KCNB2: variants seen among roughly 807,000 people sequenced by gnomAD.
KCNB2 encodes delayed rectifier potassium channel protein.
In KCNB2, 15 loss-of-function variants were observed where a neutral mutation model predicts 61.5. That is an observed-to-expected ratio of 0.24 (90% CI 0.16 to 0.38). The LOEUF (loss-of-function observed/expected upper bound fraction) is 0.38, where lower values mean the gene tolerates loss of function less well. Ranked by LOEUF, KCNB2 falls within the 10% of genes least tolerant of loss-of-function variation. The pLI is 1.00. For missense variants in KCNB2, 828 were observed against 1,125.2 expected (o/e 0.74, Z 3.78); for synonymous variants, 457 against 446.0 (o/e 1.02, Z -0.31).
At chr8:72,644,491 T>C (rs1273871046) in intron 2 of KCNB2, among the ~76,000 whole-genome samples, 1 of 152,132 alleles carries the variant, frequency 6.6e-6, no homozygotes, top group Non-Finnish European at 1.5e-5. Context: ...CCCCCAAGTA[T>C]CGCCACCATT....
chr8:72,805,142 C>T (rs1028471990), intron 2 of KCNB2, among the ~76,000 whole-genome samples: 2 of 152,106 alleles, frequency 1.3e-5, no homozygotes, highest in African/African-American at 4.8e-5. Context: ...TTCATACACA[C>T]GAAGTGCTCA....
At chr8:72,891,012 A>G (rs557294798) in intron 2 of KCNB2, among the ~76,000 whole-genome samples, 96 of 152,318 alleles carry the variant, frequency 6.3e-4, no homozygotes, top group African/African-American at 2.2e-3. Context: ...TAGAACCAGT[A>G]AAGTTACATA....
intron 2 of KCNB2, among the ~76,000 whole-genome samples, chr8:72,899,502 C>A (rs1276695607): frequency 1.3e-5 from 2 of 152,126 alleles, no homozygotes; most frequent in African/African-American, 2.4e-5. Context: ...CAAAAGCTCC[C>A]AAAACTGATA....
intron 2 of KCNB2, among the ~76,000 whole-genome samples, chr8:72,851,642 G>C (rs903166542): frequency 2.0e-5 from 3 of 151,890 alleles, no homozygotes; most frequent in Admixed American, 6.6e-5. Context: ...CATTTAGTCA[G>C]GTTCCACTGC....
chr8:72,706,417 A>G (rs563820527), intron 2 of KCNB2, among the ~76,000 whole-genome samples: 1 of 152,356 alleles, frequency 6.6e-6, no homozygotes, highest in South Asian at 2.1e-4. Context: ...ATATAAGTGT[A>G]GTCCACAGTG....
At chr8:72,577,327 GAGAT>G (rs1464062985) in intron 2 of KCNB2, among the ~76,000 whole-genome samples, 1 of 151,756 alleles carries the variant, frequency 6.6e-6, no homozygotes, top group African/African-American at 2.4e-5. Context: ...GTGTGAGAAA[GAGAT>G]AGAGAGAGAG....
chr8:72,648,086 C>T (rs1041399218), intron 2 of KCNB2, among the ~76,000 whole-genome samples: 1 of 152,152 alleles, frequency 6.6e-6, no homozygotes, highest in African/African-American at 2.4e-5. Context: ...GGGGCTGGAT[C>T]ATCCCAGGAT....
intron 2 of KCNB2, among the ~76,000 whole-genome samples, chr8:72,827,102 A>C (rs1809607647): frequency 6.6e-6 from 1 of 152,168 alleles, no homozygotes; most frequent in Non-Finnish European, 1.5e-5. Flanking sequence ...ATTTATGTTT[A>C]GTTTTAGAAT....
intron 1 of KCNB2, among the ~76,000 whole-genome samples, chr8:72,555,650 T>C (rs1806415252): frequency 6.6e-6 from 1 of 151,992 alleles, no homozygotes; most frequent in Non-Finnish European, 1.5e-5. Context: ...AGAATTTTTT[T>C]TTTGGCATTT....
chr8:72,795,519 T>G (rs1327517824), intron 2 of KCNB2, among the ~76,000 whole-genome samples: 1 of 152,226 alleles, frequency 6.6e-6, no homozygotes, highest in Admixed American at 6.5e-5. Context: ...ATACAATGCA[T>G]GAGCAAATCC....
At chr8:72,904,578 G>A (rs1427734757) in intron 2 of KCNB2, among the ~76,000 whole-genome samples, 1 of 152,056 alleles carries the variant, frequency 6.6e-6, no homozygotes, top group Non-Finnish European at 1.5e-5. Flanking sequence ...AATTAGACAA[G>A]AGAAAGAAAG....
At chr8:72,881,754 C>A (rs1805710151) in intron 2 of KCNB2, 1 of 152,166 alleles carries the variant, frequency 6.6e-6, no homozygotes, top group Non-Finnish European at 1.5e-5. Flanking sequence ...TGTACAGGCA[C>A]AATCTGTGAA....
chr8:72,907,635 A>C (rs987228081), intron 2 of KCNB2, among the ~76,000 whole-genome samples: 5 of 152,092 alleles, frequency 3.3e-5, no homozygotes, highest in Admixed American at 2.0e-4. Flanking sequence ...CTAACACAAA[A>C]ATGTTTGCAA....
At chr8:72,872,185 G>C (rs1441448446) in intron 2 of KCNB2, among the ~76,000 whole-genome samples, 1 of 152,194 alleles carries the variant, frequency 6.6e-6, no homozygotes, top group Non-Finnish European at 1.5e-5. Flanking sequence ...TGGAGAATAA[G>C]CATGTGGTGC....
intron 2 of KCNB2, among the ~76,000 whole-genome samples, chr8:72,593,328 T>C (rs1807130703): frequency 6.6e-6 from 1 of 152,176 alleles, no homozygotes. Context: ...GTCCTTAAGG[T>C]ACACTGAATT....
In KCNB2 at chr8:72,931,044, T is replaced by C. The variant is rs185535382; in HGVS notation, c.580-4891T>C. Among the ~76,000 whole-genome samples the C allele has an allele frequency of 1.2e-4, 18 of 152,372 alleles. No individual in the cohort carries two copies. The East Asian group carries it at 3.5e-3, about 29-fold the overall frequency. On this transcript the variant is annotated intron_variant, in intron 2 of 2. Transcript: ENST00000523207. ...TAGCCAGTTTTCCCAGCACCATTTG[T>C]TAAATAGGGAATCCTTTCCGCATTT...
chr8:72,568,115 G>T lies in KCNB2; in HGVS notation c.381G>T (p.Gly127=), dbSNP rs1204626956. Residue 127 remains glycine (G), a synonymous_variant, in exon 2 of 3, where the codon GGG becomes GGT. Coordinates refer to ENST00000523207, the MANE Select transcript of KCNB2 (RefSeq NM_004770.3). ...LSFGQELDYW[G]IDEIYLESCC... is the part of the protein sequence containing the mutation. ...TTGGCCAAGAACTTGATTACTGGGG[G>T]ATTGATGAGATCTACTTGGAGTCCT... The T allele has an allele frequency of 6.2e-7, 1 of 1,614,148 alleles. No homozygotes were observed. Among genetic ancestry groups the T allele is most frequent in the South Asian group, 1.1e-5 (1 of 91,076 alleles).
At chr8:72,587,813 T>G (rs551787032) in intron 2 of KCNB2, among the ~76,000 whole-genome samples, 84 of 152,300 alleles carry the variant, frequency 5.5e-4, no homozygotes, top group Non-Finnish European at 1.1e-3. Context: ...TTTTTATTTG[T>G]TAAAGTTGTT....
rs891003074 is a variant in KCNB2, at chr8:72,919,404, G to A, written c.580-16531G>A. Among the ~76,000 whole-genome samples, 4 of 152,206 alleles carry A rather than the reference G, an allele frequency of 2.6e-5. No homozygotes were observed. The South Asian group carries it at 8.3e-4, about 32-fold the overall frequency. On this transcript the variant is annotated intron_variant, in intron 2 of 2. Coordinates refer to ENST00000523207, the MANE Select transcript of KCNB2 (RefSeq NM_004770.3). ...TATGGAGATTAAGAAAGACTTTTGG[G>A]AGGGTGGGGGTAATGGGTAGTTTTT... is the stretch of plus-strand genomic sequence containing the variant.
Sources: gnomAD v4.1 joint callset for allele counts (sites outside exome capture counted in the v4.1 genomes callset) on GRCh38, gnomAD v4.1.1 for gene constraint, MANE v1.5 for transcripts, NCBI Gene and HGNC (gene_info 2026-07-23, HGNC 2026-07-21) for gene names.